Variants in ALG13 observed in about 807,000 individuals in gnomAD.
ALG13 encodes ALG13 UDP-N-acetylglucosaminyltransferase subunit.
Under a neutral mutation model 87.8 loss-of-function variants are expected in ALG13, and 11 were observed. The ratio of observed to expected loss-of-function variants is 0.13; its 90% CI spans 0.08 to 0.21. The LOEUF is 0.21. Ranked by LOEUF, ALG13 falls within the 10% of genes least tolerant of loss-of-function variation. The pLI, the probability that ALG13 is intolerant of heterozygous loss-of-function variation, is 1.00. For synonymous variants in ALG13, 320 were observed against 306.3 expected (o/e 1.04, Z -0.47); for missense variants, 756 against 866.1 (o/e 0.87, Z 1.60).
chrX:111,692,009 C>G (rs901248333), intron 3 of ALG13, among the ~76,000 whole-genome samples: 16 of 112,019 alleles, frequency 1.4e-4, no homozygotes, highest in African/African-American at 4.2e-4. Context: ...TATCTCCCAA[C>G]TCTGATTTGG....
intron 3 of ALG13, 121 bp downstream of exon 3, chrX:111,685,224 T>C: frequency 1.3e-6 from 1 of 798,044 alleles, no homozygotes; most frequent in Non-Finnish European, 1.8e-6. Flanking sequence ...TACCAAACCT[T>C]TTGATTTTCT....
At chrX:111,688,202 AT>A in intron 3 of ALG13, 2 of 800,047 alleles carry the variant, frequency 2.5e-6, no homozygotes, top group Non-Finnish European at 3.0e-6. Context: ...AAATTACTAG[AT>A]TTTTTTCTAA....
Position 111,759,856 on chromosome X carries a change from G to C in ALG13, c.3271G>C (p.Asp1091His), listed in dbSNP as rs1264248744. ...TGACTCCTGCCTTCCGGTTGTGCCA[G>C]ATTATTCCTGTGTTCCCCCCTGGCA... ...GFDSCLPVVP[D>H]YSCVPPWHPV... The change falls in exon 27 of 27, where the codon GAT (aspartate) becomes CAT (histidine). Residue 1091 changes from aspartate (D) to histidine (H), a missense_variant. Physicochemically the swap from Asp to His is moderately conservative, Grantham distance 81. Transcript: ENST00000394780. The C allele has an allele frequency of 6.6e-6, 8 of 1,209,108 alleles. No homozygotes were observed. The highest frequency in any genetic ancestry group is 8.9e-6 in the Non-Finnish European group (8 of 895,033).
At chrX:111,737,116 G>T in intron 23 of ALG13, 1 of 267,907 alleles carries the variant, frequency 3.7e-6, no homozygotes, top group Non-Finnish European at 6.5e-6. Flanking sequence ...GCTACCTGCT[G>T]AATTAGGGGA....
intron 17 of ALG13, 23 bp downstream of exon 17, chrX:111,727,468 G>T: frequency 1.7e-6 from 2 of 1,146,440 alleles, no homozygotes; most frequent in South Asian, 3.8e-5. Flanking sequence ...TTGAAAGTCA[G>T]AGAAAATTGG....
chrX:111,752,007 T>C (rs556329016), intron 24 of ALG13, among the ~76,000 whole-genome samples: 1 of 112,076 alleles, frequency 8.9e-6, no homozygotes, highest in South Asian at 3.7e-4. Context: ...ATGTCAGTCA[T>C]GGTAAATAAA....
intron 10 of ALG13, 34 bp downstream of exon 10, chrX:111,718,308 T>C (rs1157417442): frequency 8.9e-7 from 1 of 1,121,694 alleles, no homozygotes; most frequent in Middle Eastern, 2.5e-4. Flanking sequence ...ATGATAATTA[T>C]GTTTCATACT....
chrX:111,722,957 T>C (rs910231387), intron 13 of ALG13, 100 bp downstream of exon 13: 47 of 584,268 alleles, frequency 8.0e-5, no homozygotes, highest in Non-Finnish European at 1.2e-4. Context: ...AGAAACTTTT[T>C]ATTTATATTT....
chrX:111,717,679 G>C (rs778614505), intron 8 of ALG13, among the ~76,000 whole-genome samples, 167 bp from the exon 9 acceptor site: 2 of 109,567 alleles, frequency 1.8e-5, no homozygotes, highest in African/African-American at 6.6e-5. Flanking sequence ...ATCTCTATGA[G>C]GTACAGGTTG....
intron 23 of ALG13, among the ~76,000 whole-genome samples, chrX:111,738,687 G>A (rs767633169): frequency 9.1e-6 from 1 of 110,379 alleles, no homozygotes; most frequent in Non-Finnish European, 1.9e-5. Flanking sequence ...ATAGGCACAC[G>A]CCACCACACT....
In ALG13 at chrX:111,730,177, A is replaced by AT. The variant is rs755444704; in HGVS notation, c.2369-214dup. ...TGCCTGACCTCTAAGAGCTAAGTGG[A>AT]TTTTCAGAGGAGAAATTTGTACAGC... is the stretch of plus-strand genomic sequence containing the variant. On this transcript the variant is annotated intron_variant, in intron 19 of 26. Transcript: ENST00000394780. Among the ~76,000 whole-genome samples the AT allele has an allele frequency of 0.012, 1,389 of 112,324 alleles. 29 individuals carry two copies. Among genetic ancestry groups the AT allele is most frequent in the Admixed American group, 0.023 (249 of 10,617 alleles).
chrX:111,712,463 C>T, intron 6 of ALG13, 21 bp from the exon 7 acceptor site: 1 of 1,115,645 alleles, frequency 9.0e-7, no homozygotes, highest in South Asian at 2.1e-5. Flanking sequence ...TTTTAAAACT[C>T]AATACACTAT....
chrX:111,707,143 G>A (rs1040646149), intron 3 of ALG13, among the ~76,000 whole-genome samples: 2 of 111,236 alleles, frequency 1.8e-5, no homozygotes, highest in Non-Finnish European at 3.8e-5. Context: ...TATTTTCTTT[G>A]GTTTTCTCAG....
At chrX:111,711,492 C>G (rs772151460) in intron 5 of ALG13, among the ~76,000 whole-genome samples, 183 bp from the exon 6 acceptor site, 1 of 112,272 alleles carries the variant, frequency 8.9e-6, no homozygotes, top group East Asian at 2.8e-4. Flanking sequence ...CTTTTATACT[C>G]CAGCTTTTCT....
chrX:111,681,461 G>A (rs1426631376), intron 1 of ALG13, 162 bp downstream of exon 1: 2 of 1,086,479 alleles, frequency 1.8e-6, no homozygotes, highest in East Asian at 6.6e-5. Context: ...GCCCACGCCC[G>A]GCGGGGCCCT....
intron 25 of ALG13, among the ~76,000 whole-genome samples, chrX:111,753,743 G>GT (rs773149964): frequency 1.2e-3 from 139 of 111,734 alleles, no homozygotes; most frequent in African/African-American, 4.4e-3. Context: ...GAATTCCTGA[G>GT]TAGACCAATA....
chrX:111,700,313 A>T (rs1429036378), intron 3 of ALG13, among the ~76,000 whole-genome samples: 1 of 110,856 alleles, frequency 9.0e-6, no homozygotes, highest in Non-Finnish European at 1.9e-5. Context: ...AGAGCATGTT[A>T]TCAGCAAATA....
chrX:111,681,326 G>GGCTTGGCTCGCCACCC (rs1351441235), intron 1 of ALG13, 27 bp downstream of exon 1: 1 of 1,208,923 alleles, frequency 8.3e-7, no homozygotes, highest in East Asian at 3.0e-5. Flanking sequence ...AGCAGGCGGC[G>GGCTTGGCTCGCCACCC]GCTTGGCTCG....
Position 111,723,869 on chromosome X carries a change from A to G in ALG13, c.1572A>G (p.Val524=). 1 of 1,170,154 alleles carries G rather than the reference A, an allele frequency of 8.5e-7. No individual in the cohort carries two copies. The highest frequency in any genetic ancestry group is 1.1e-6 in the Non-Finnish European group (1 of 870,299). ...IQEVGNENNS[V]TVFIEELAEK... ...AAGTTGGAAATGAGAACAATTCAGT[A>G]ACAGTCTTCATTGAAGAATTGGCGG... Residue 524 remains valine (V), a synonymous_variant, in exon 14 of 27, where the codon GTA becomes GTG. Coordinates refer to ENST00000394780, the MANE Select transcript of ALG13 (RefSeq NM_001099922.3).
Sources: allele counts gnomAD v4.1 joint callset (sites outside exome capture counted in the v4.1 genomes callset), GRCh38; gene constraint gnomAD v4.1.1; transcripts MANE v1.5; gene names NCBI Gene and HGNC (gene_info 2026-07-23, HGNC 2026-07-21).